UBXN7: variants seen among roughly 807,000 people sequenced by gnomAD.
UBXN7 encodes the protein UBX domain protein 7, also known as UBX domain-containing protein 7.
Under a neutral mutation model 58.0 loss-of-function variants are expected in UBXN7, and 9 were observed. That is an observed-to-expected ratio of 0.16 (90% CI 0.09 to 0.27). The LOEUF is 0.27. Ranked by LOEUF, UBXN7 falls within the 10% of genes least tolerant of loss-of-function variation. The probability of loss-of-function intolerance (pLI) is 1.00; values close to 1 mark genes in which losing one functional copy is unlikely to be tolerated. For synonymous variants in UBXN7, 208 were observed against 205.0 expected (o/e 1.01, Z -0.12); for missense variants, 328 against 599.6 (o/e 0.55, Z 4.73).
intron 1 of UBXN7, among the ~76,000 whole-genome samples, chr3:196,413,682 C>T (rs898611965): frequency 2.0e-5 from 3 of 152,254 alleles, no homozygotes; most frequent in Admixed American, 2.0e-4. Flanking sequence ...TAGTTCAAGC[C>T]CTCAACATCT....
chr3:196,394,229 A>G (rs1212303617), intron 3 of UBXN7, among the ~76,000 whole-genome samples: 3 of 150,032 alleles, frequency 2.0e-5, no homozygotes, highest in African/African-American at 7.4e-5. Flanking sequence ...CAGAGGTTGC[A>G]GTAAGCCAAG....
intron 3 of UBXN7, among the ~76,000 whole-genome samples, chr3:196,394,806 G>A (rs180994821): frequency 2.0e-5 from 3 of 152,170 alleles, no homozygotes; most frequent in Admixed American, 6.5e-5. Flanking sequence ...TTGGACCCAC[G>A]TGCAGAACCA....
At chr3:196,384,060 A>G (rs1729296930) in intron 5 of UBXN7, among the ~76,000 whole-genome samples, 1 of 152,236 alleles carries the variant, frequency 6.6e-6, no homozygotes, top group South Asian at 2.1e-4. Flanking sequence ...TAGCAAGACT[A>G]ATAAAGAAGA....
intron 3 of UBXN7, chr3:196,400,764 G>A (rs1392062681): frequency 5.6e-6 from 2 of 354,250 alleles, no homozygotes; most frequent in Non-Finnish European, 1.1e-5. Context: ...AAAGAGTAAA[G>A]TGGGGCTTCC....
chr3:196,391,408 A>C (rs1050333545), intron 5 of UBXN7, among the ~76,000 whole-genome samples: 2 of 152,102 alleles, frequency 1.3e-5, no homozygotes, highest in African/African-American at 4.8e-5. Context: ...ATACACTGAC[A>C]ATGGTTTTTT....
At chr3:196,392,969 C>A (rs549914327) in intron 4 of UBXN7, among the ~76,000 whole-genome samples, 2 of 152,154 alleles carry the variant, frequency 1.3e-5, no homozygotes, top group African/African-American at 4.8e-5. Context: ...TCAATGAACT[C>A]ATTCTAAATA....
At chr3:196,357,150 A>C (rs1047301293) in intron 10 of UBXN7, among the ~76,000 whole-genome samples, 2 of 152,226 alleles carry the variant, frequency 1.3e-5, no homozygotes, top group African/African-American at 4.8e-5. Flanking sequence ...TCTCATTTTA[A>C]AACATTTTAT....
chr3:196,358,825 T>C (rs1258958211), intron 10 of UBXN7, among the ~76,000 whole-genome samples: 1 of 150,424 alleles, frequency 6.6e-6, no homozygotes, highest in East Asian at 1.9e-4. Context: ...CCTCTTTCTT[T>C]TTTTTTTTTT....
intron 4 of UBXN7, among the ~76,000 whole-genome samples, chr3:196,392,866 C>T (rs142899207): frequency 2.0e-5 from 3 of 152,210 alleles, no homozygotes; most frequent in African/African-American, 7.2e-5. Flanking sequence ...CTGTTGTCAC[C>T]TTCCACTGGA....
chr3:196,402,013 A>C (rs1163089471), intron 3 of UBXN7, among the ~76,000 whole-genome samples: 1 of 152,018 alleles, frequency 6.6e-6, no homozygotes, highest in Non-Finnish European at 1.5e-5. Context: ...TGTCTCTTGT[A>C]CTCAATTGTA....
intron 10 of UBXN7, among the ~76,000 whole-genome samples, chr3:196,358,410 T>G (rs895232720): frequency 6.6e-6 from 1 of 152,188 alleles, no homozygotes; most frequent in Non-Finnish European, 1.5e-5. Flanking sequence ...TTACGTGGCT[T>G]ACCTAATTTA....
At position 196,383,274 on chromosome 3, in the gene UBXN7, T is replaced by C. The variant is rs185782243; in HGVS notation, c.468+8539A>G. ...AGAAGAGCTAACTATCCTAAATATA[T>C]ATGCATCCAAATTCAAAAAGCAAGT... On this transcript the variant is annotated intron_variant, in intron 5 of 10. Coordinates refer to ENST00000296328, the MANE Select transcript of UBXN7 (RefSeq NM_015562.2). Among the ~76,000 whole-genome samples the C allele has an allele frequency of 9.1e-4, 138 of 152,018 alleles. 2 individuals carry two copies. The highest frequency in any genetic ancestry group is 3.2e-3 in the African/African-American group (132 of 41,494).
In UBXN7 at chr3:196,357,176, C is replaced by T. The variant is rs78677004; in HGVS notation, c.1309-330G>A. Among the ~76,000 whole-genome samples, 362 of 152,290 alleles carry T rather than the reference C, an allele frequency of 2.4e-3. 2 individuals carry two copies. Among genetic ancestry groups the T allele is most frequent in the Non-Finnish European group, 4.1e-3 (277 of 68,024 alleles). On this transcript the variant is annotated intron_variant, in intron 10 of 10. Coordinates refer to ENST00000296328, the MANE Select transcript of UBXN7 (RefSeq NM_015562.2). Reference sequence around the variant, plus strand: ...AACATTTTATCCGTTTTCCTTTCTCCCTTTTATCAAGGAAGATATGTCCTT... The same window carrying T: ...AACATTTTATCCGTTTTCCTTTCTCTCTTTTATCAAGGAAGATATGTCCTT...
chr3:196,381,197 G>A lies in UBXN7; in HGVS notation c.469-9155C>T, dbSNP rs148521074. 2.5e-3 allele frequency among the ~76,000 whole-genome samples: 381 copies of A among 152,332 alleles called. 2 individuals carry two copies. Among genetic ancestry groups the A allele is most frequent in the African/African-American group, 7.4e-3 (309 of 41,576 alleles). ...CTCCTCAAGTGGGTCCCTGACTCCC[G>A]TGTAGCCTAACTGGGAGACATCTCC... is the stretch of plus-strand genomic sequence containing the variant. On this transcript the variant is annotated intron_variant, in intron 5 of 10. Coordinates refer to ENST00000296328, the MANE Select transcript of UBXN7 (RefSeq NM_015562.2).
At chr3:196,388,423 T>C (rs1729477843) in intron 5 of UBXN7, among the ~76,000 whole-genome samples, 1 of 152,012 alleles carries the variant, frequency 6.6e-6, no homozygotes. Context: ...GTTATGCGCA[T>C]GTACCCTAGA....
intron 10 of UBXN7, among the ~76,000 whole-genome samples, chr3:196,360,792 G>A (rs1560217756): frequency 3.9e-5 from 6 of 152,074 alleles, no homozygotes; most frequent in South Asian, 2.1e-4. Flanking sequence ...GGGAGGCTGC[G>A]GTGAGAGGAT....
At position 196,405,128 on chromosome 3, in the gene UBXN7, C is replaced by G. The variant is rs111715203; in HGVS notation, c.222-2109G>C. On this transcript the variant is annotated intron_variant, in intron 2 of 10. Coordinates refer to ENST00000296328, the MANE Select transcript of UBXN7 (RefSeq NM_015562.2). ...TAAGCAGAGATCACACCCCTACATT[C>G]CAGTCTGAGTTACAGAGCAAGACTG... Among the ~76,000 whole-genome samples, 1,161 of 152,116 alleles carry G rather than the reference C, an allele frequency of 7.6e-3. 19 individuals carry two copies. The highest frequency in any genetic ancestry group is 0.027 in the African/African-American group (1,101 of 41,504).
At chr3:196,377,704 T>G (rs1191351241) in intron 5 of UBXN7, among the ~76,000 whole-genome samples, 1 of 152,164 alleles carries the variant, frequency 6.6e-6, no homozygotes, top group Non-Finnish European at 1.5e-5. Context: ...TCTCACTGTG[T>G]TGCTCAGGGT....
chr3:196,376,736 T>A (rs1206472576), intron 5 of UBXN7, among the ~76,000 whole-genome samples: 1 of 151,926 alleles, frequency 6.6e-6, no homozygotes, highest in African/African-American at 2.4e-5. Context: ...AAATGTGGGT[T>A]TTTTTTCCTC....
Sources: allele counts gnomAD v4.1 joint callset (sites outside exome capture counted in the v4.1 genomes callset), GRCh38; gene constraint gnomAD v4.1.1; transcripts MANE v1.5; gene names NCBI Gene and HGNC (gene_info 2026-07-23, HGNC 2026-07-21).